DCC: variants seen among roughly 807,000 people sequenced by gnomAD.
The protein encoded by DCC is DCC netrin 1 receptor, also known as netrin receptor DCC.
DCC carries 58 observed loss-of-function variants against 172.5 expected under a neutral mutation model. That is an observed-to-expected ratio of 0.34 (90% CI 0.27 to 0.42). DCC has a LOEUF of 0.42. Among genes scored for constraint, DCC ranks in the 10% least tolerant of loss-of-function variants. DCC has a pLI of 1.00. For missense variants in DCC, 1,740 were observed against 1,791.0 expected, an observed-to-expected ratio of 0.97 and a Z score of 0.51; for synonymous variants, 709 against 644.5, an observed-to-expected ratio of 1.10 and a Z score of -1.52.
At chr18:53,112,158 T>A (rs148100844) in intron 7 of DCC, among the ~76,000 whole-genome samples, 17 of 151,624 alleles carry the variant, frequency 1.1e-4, no homozygotes, top group African/African-American at 3.4e-4. Flanking sequence ...TTAGGAGATG[T>A]TATACCAAAA....
In DCC at chr18:53,499,336, C is replaced by T. The variant is rs1483852247; in HGVS notation, c.3937C>T (p.Leu1313=). ...EGPTTQQPPM[L]PPSQPEHSSS... is the part of the protein sequence containing the mutation. The stretch of plus-strand genomic sequence containing the variant: ...ACCAACTACCCAACAACCACCTATG[C>T]TGCCCCCATCTCAGCCTGAGCATTC... Residue 1313 remains leucine (L), a synonymous_variant, in exon 27 of 29, where the codon CTG becomes TTG. Transcript: ENST00000442544. The T allele has an allele frequency of 2.5e-6, 4 of 1,614,082 alleles. No homozygotes were observed. The highest frequency in any genetic ancestry group is 1.1e-5 in the South Asian group (1 of 91,076).
intron 23 of DCC, among the ~76,000 whole-genome samples, chr18:53,451,124 T>C (rs996060271): frequency 3.3e-5 from 5 of 152,216 alleles, no homozygotes; most frequent in Non-Finnish European, 7.3e-5. Flanking sequence ...AATGCCAGAC[T>C]CTGTACAGTT....
chr18:53,027,071 C>A (rs1347420637), intron 5 of DCC, among the ~76,000 whole-genome samples: 2 of 152,106 alleles, frequency 1.3e-5, no homozygotes. Flanking sequence ...ATTTCCTGGG[C>A]ATTCTTAAGC....
At chr18:52,881,828 T>G (rs2039489816) in intron 2 of DCC, among the ~76,000 whole-genome samples, 1 of 152,152 alleles carries the variant, frequency 6.6e-6, no homozygotes, top group Non-Finnish European at 1.5e-5. Flanking sequence ...TTTTAATATT[T>G]CTGTGAAGAA....
intron 24 of DCC, 139 bp downstream of exon 24, chr18:53,459,597 T>C (rs2045526665): frequency 2.9e-6 from 2 of 693,688 alleles, no homozygotes; most frequent in Non-Finnish European, 5.2e-6. Context: ...ATGGATCTAA[T>C]ATAAATTTGG....
At chr18:53,302,935 C>T (rs1275521410) in intron 12 of DCC, among the ~76,000 whole-genome samples, 1 of 152,148 alleles carries the variant, frequency 6.6e-6, no homozygotes, top group Non-Finnish European at 1.5e-5. Flanking sequence ...AGCAATGTGC[C>T]TTGAAATGGA....
intron 5 of DCC, among the ~76,000 whole-genome samples, chr18:52,974,586 A>G (rs547494388): frequency 6.6e-6 from 1 of 152,184 alleles, no homozygotes; most frequent in Non-Finnish European, 1.5e-5. Flanking sequence ...GTAGAATCTA[A>G]TGCAGGGAGG....
At chr18:52,576,816 C>G (rs1050595665) in intron 1 of DCC, among the ~76,000 whole-genome samples, 2 of 131,952 alleles carry the variant, frequency 1.5e-5, no homozygotes, top group African/African-American at 6.0e-5. Context: ...GGTGACAGAG[C>G]AAGCCTCCAT....
intron 21 of DCC, among the ~76,000 whole-genome samples, chr18:53,422,139 T>C (rs1354562751): frequency 3.3e-5 from 5 of 152,106 alleles, no homozygotes; most frequent in Non-Finnish European, 7.3e-5. Flanking sequence ...ACCCAAAACT[T>C]CAAGGACCTG....
At chr18:52,732,285 G>A (rs1043057920) in intron 1 of DCC, among the ~76,000 whole-genome samples, 1 of 152,168 alleles carries the variant, frequency 6.6e-6, no homozygotes, top group African/African-American at 2.4e-5. Flanking sequence ...ATTGGAGAGA[G>A]AGTACTAATA....
chr18:52,454,490 G>C (rs1009255562), intron 1 of DCC, among the ~76,000 whole-genome samples: 1 of 148,040 alleles, frequency 6.8e-6, no homozygotes, highest in Non-Finnish European at 1.5e-5. Flanking sequence ...CTTTGAACTA[G>C]TTTTTTTTTT....
At chr18:52,933,381 G>T (rs1294231751) in intron 5 of DCC, among the ~76,000 whole-genome samples, 2 of 151,450 alleles carry the variant, frequency 1.3e-5, no homozygotes, top group African/African-American at 4.8e-5. Flanking sequence ...CCTGAATAAA[G>T]AATGCAACAA....
At chr18:52,405,371 G>A (rs1285923313) in intron 1 of DCC, among the ~76,000 whole-genome samples, 4 of 106,596 alleles carry the variant, frequency 3.8e-5, no homozygotes, top group Admixed American at 3.6e-4. Flanking sequence ...GGTGTGAGAT[G>A]GTATCTCATT....
chr18:52,533,029 G>A (rs188815703), intron 1 of DCC, among the ~76,000 whole-genome samples: 6 of 151,946 alleles, frequency 3.9e-5, no homozygotes, highest in Non-Finnish European at 8.8e-5. Context: ...CATTTTATAT[G>A]TACAGGATTA....
chr18:52,983,283 G>A (rs1445739168), intron 5 of DCC, among the ~76,000 whole-genome samples: 2 of 152,094 alleles, frequency 1.3e-5, no homozygotes, highest in Non-Finnish European at 2.9e-5. Flanking sequence ...CAAGACAAAG[G>A]GAACATTGGA....
At chr18:52,849,393 T>C (rs1439585560) in intron 2 of DCC, among the ~76,000 whole-genome samples, 2 of 152,106 alleles carry the variant, frequency 1.3e-5, no homozygotes, top group African/African-American at 4.8e-5. Flanking sequence ...TTGCCAACAG[T>C]GGATGGAATT....
chr18:53,248,947 A>G (rs938369292), intron 12 of DCC, among the ~76,000 whole-genome samples: 1 of 152,040 alleles, frequency 6.6e-6, no homozygotes, highest in African/African-American at 2.4e-5. Context: ...AACAAATAAT[A>G]TATTTGCCTG....
At chr18:52,991,638 T>TC (rs2041393615) in intron 5 of DCC, among the ~76,000 whole-genome samples, 1 of 152,164 alleles carries the variant, frequency 6.6e-6, no homozygotes. Context: ...CCCATCTTAT[T>TC]CCCTCATTTA....
At chr18:53,047,458 T>C (rs56892309) in intron 5 of DCC, among the ~76,000 whole-genome samples, 1 of 99,970 alleles carries the variant, frequency 1.0e-5, no homozygotes, top group African/African-American at 4.4e-5. Flanking sequence ...TATATATATA[T>C]ATATACCATT....
Sources: allele counts gnomAD v4.1 joint callset (sites outside exome capture counted in the v4.1 genomes callset), GRCh38; gene constraint gnomAD v4.1.1; transcripts MANE v1.5; gene names NCBI Gene and HGNC (gene_info 2026-07-23, HGNC 2026-07-21).